The following PTPRT variants were observed in gnomAD, a reference collection of about 807,000 sequenced individuals.
The protein encoded by PTPRT is protein tyrosine phosphatase receptor type T, also known as receptor-type tyrosine-protein phosphatase T.
In PTPRT, 56 loss-of-function variants were observed where a neutral mutation model predicts 176.8. That is an observed-to-expected ratio of 0.32 (90% CI 0.26 to 0.40). PTPRT has a LOEUF of 0.40. Among genes scored for constraint, PTPRT ranks in the 10% least tolerant of loss-of-function variants. The pLI is 1.00. For missense variants in PTPRT, 1,540 were observed against 1,908.2 expected (o/e 0.81, Z 3.60); for synonymous variants, 783 against 739.0 (o/e 1.06, Z -0.96).
At chr20:42,794,939 C>A (rs2077431829) in intron 2 of PTPRT, among the ~76,000 whole-genome samples, 1 of 152,110 alleles carries the variant, frequency 6.6e-6, no homozygotes, top group Non-Finnish European at 1.5e-5. Flanking sequence ...TGACCACACC[C>A]TCCAGAAAGG....
At chr20:42,047,186 A>G in the PTPRT span, among the ~76,000 whole-genome samples, 1 of 152,192 alleles carries the variant, frequency 6.6e-6, no homozygotes, top group Non-Finnish European at 1.5e-5. Flanking sequence ...GTGGGACAAG[A>G]TCTTTGGTAC....
chr20:42,911,013 G>A (rs1427164912), intron 1 of PTPRT, among the ~76,000 whole-genome samples: 1 of 152,092 alleles, frequency 6.6e-6, no homozygotes, highest in East Asian at 1.9e-4. Flanking sequence ...GTGAGAACTT[G>A]CTCACTATCA....
chr20:42,897,122 G>A (rs139776174), intron 1 of PTPRT, among the ~76,000 whole-genome samples: 179 of 152,234 alleles, frequency 1.2e-3, no homozygotes, highest in African/African-American at 4.2e-3. Flanking sequence ...AATCCAATTA[G>A]TAGAATGTTT....
At chr20:43,033,095 T>C (rs1986215303) in intron 1 of PTPRT, among the ~76,000 whole-genome samples, 1 of 152,202 alleles carries the variant, frequency 6.6e-6, no homozygotes, top group African/African-American at 2.4e-5. Flanking sequence ...AATGTCACAA[T>C]AGAGGACTTT....
At position 42,458,531 on chromosome 20, in the gene PTPRT, T is replaced by C. The variant is rs533161604; in HGVS notation, c.1451-10202A>G. On this transcript the variant is annotated intron_variant, in intron 8 of 30. Coordinates refer to ENST00000373187, the MANE Select transcript of PTPRT (RefSeq NM_007050.6). ...GCTTACCTAGGTGTCTGGCACAAAG[T>C]AAATACTATGTTTGTCTGATCCTCC... Among the ~76,000 whole-genome samples the C allele has an allele frequency of 5.3e-5, 8 of 152,316 alleles. No individual in the cohort carries two copies. The South Asian group carries it at 1.7e-3, about 32-fold the overall frequency.
At position 42,861,552 on chromosome 20, in the gene PTPRT, T is replaced by TA. The variant is rs529581559; in HGVS notation, c.214+24254dup. On this transcript the variant is annotated intron_variant, in intron 2 of 30. Coordinates refer to ENST00000373187, the MANE Select transcript of PTPRT (RefSeq NM_007050.6). ...GCTAGACACTGAGATCAGAACACAT[T>TA]AAAAAAAACTAAATAAAACAAAACA... is the stretch of plus-strand genomic sequence containing the variant. Among the ~76,000 whole-genome samples the TA allele has an allele frequency of 3.9e-4, 59 of 151,900 alleles. 1 individual carries two copies. The highest frequency in any genetic ancestry group is 1.1e-3 in the African/African-American group (46 of 41,394).
At chr20:42,218,373 T>C (rs1176724421) in intron 15 of PTPRT, among the ~76,000 whole-genome samples, 1 of 152,236 alleles carries the variant, frequency 6.6e-6, no homozygotes, top group Non-Finnish European at 1.5e-5. Context: ...TCCTTTCTTC[T>C]TTGATATCCA....
chr20:43,090,405 C>T (rs1321531868), intron 1 of PTPRT, among the ~76,000 whole-genome samples: 216 of 151,966 alleles, frequency 1.4e-3, no homozygotes, highest in Non-Finnish European at 2.2e-3. Flanking sequence ...GTAGTTGGGA[C>T]TACAGGCGCC....
Position 42,666,269 on chromosome 20 carries a change from T to C in PTPRT, c.1153+11597A>G, listed in dbSNP as rs930148753. 2.6e-5 allele frequency among the ~76,000 whole-genome samples: 4 copies of C among 152,194 alleles called. No individual in the cohort carries two copies. In the East Asian group the frequency reaches 7.7e-4, roughly 29 times the overall value. ...ACACGTGGTTGGCACTCTATATGTA[T>C]GAGTTTCTTTTAAATTTATTTGGGA... On this transcript the variant is annotated intron_variant, in intron 7 of 30. Transcript: ENST00000373187.
At chr20:42,680,097 A>G (rs2075577603) in intron 6 of PTPRT, among the ~76,000 whole-genome samples, 1 of 152,230 alleles carries the variant, frequency 6.6e-6, no homozygotes, top group South Asian at 2.1e-4. Flanking sequence ...GAAGGCAGGT[A>G]TACATTTTAG....
chr20:42,111,702 A>G (rs1299982203), intron 22 of PTPRT, among the ~76,000 whole-genome samples: 1 of 152,220 alleles, frequency 6.6e-6, no homozygotes, highest in Non-Finnish European at 1.5e-5. Flanking sequence ...CATTTGATGG[A>G]TCAGGAAACT....
At chr20:42,256,200 CT>C (rs1568713759) in intron 13 of PTPRT, among the ~76,000 whole-genome samples, 1 of 152,162 alleles carries the variant, frequency 6.6e-6, no homozygotes, top group Non-Finnish European at 1.5e-5. Context: ...TCTGGCTCTT[CT>C]CAAGTCAGGT....
rs552335116 is a variant in PTPRT at position 43,059,574 on chromosome 20, C to T, written c.88+130072G>A. Among the ~76,000 whole-genome samples, 6 of 152,178 alleles carry T rather than the reference C, an allele frequency of 3.9e-5. No individual in the cohort carries two copies. In the South Asian group the frequency reaches 8.3e-4, roughly 21 times the overall value. ...CCTCAGCAGAATGGCCTTTACCATC[C>T]GTATTTCTACCAACATTCTACTCAG... On this transcript the variant is annotated intron_variant, in intron 1 of 30. Coordinates refer to ENST00000373187, the MANE Select transcript of PTPRT (RefSeq NM_007050.6).
intron 1 of PTPRT, among the ~76,000 whole-genome samples, chr20:43,012,611 G>C (rs1044924261): frequency 6.6e-6 from 1 of 152,202 alleles, no homozygotes; most frequent in Non-Finnish European, 1.5e-5. Flanking sequence ...AAAATAATTA[G>C]TGGGTGCAAT....
rs1373155040 is a variant in PTPRT at position 42,316,057 on chromosome 20, G to T, written c.1866-61C>A. ...ACTTTCTGGAAGAATGAGCTTGTTA[G>T]CTCTAATGGTGTCAACCCAACTTCT... On this transcript the variant is annotated intron_variant, in intron 11 of 30. Transcript: ENST00000373187. The T allele has an allele frequency of 5.7e-6, 9 of 1,568,472 alleles. No homozygotes were observed. In the African/African-American group the frequency reaches 9.5e-5, roughly 16 times the overall value.
intron 1 of PTPRT, among the ~76,000 whole-genome samples, chr20:43,164,950 T>A (rs999145495): frequency 6.6e-6 from 1 of 152,140 alleles, no homozygotes; most frequent in Non-Finnish European, 1.5e-5. Context: ...TAGGCTAAAC[T>A]CAGTCAAGTA....
chr20:42,818,626 T>C (rs1333598602), intron 2 of PTPRT, among the ~76,000 whole-genome samples: 3 of 152,142 alleles, frequency 2.0e-5, no homozygotes, highest in Non-Finnish European at 4.4e-5. Flanking sequence ...AGAACCTTGA[T>C]AAAAGGTTAC....
At chr20:42,474,604 C>T (rs1207836280) in intron 7 of PTPRT, among the ~76,000 whole-genome samples, 1 of 152,196 alleles carries the variant, frequency 6.6e-6, no homozygotes, top group Non-Finnish European at 1.5e-5. Context: ...ATTGAACAAG[C>T]TGTTGCTGAG....
intron 1 of PTPRT, among the ~76,000 whole-genome samples, chr20:43,060,802 A>AATGTGC: frequency 6.6e-6 from 1 of 152,158 alleles, no homozygotes; most frequent in East Asian, 1.9e-4. Flanking sequence ...CAATCAATAA[A>AATGTGC]ATGTGCCTAG....
Sources: gnomAD v4.1 joint callset for allele counts (sites outside exome capture counted in the v4.1 genomes callset) on GRCh38, gnomAD v4.1.1 for gene constraint, MANE v1.5 for transcripts, NCBI Gene and HGNC (gene_info 2026-07-23, HGNC 2026-07-21) for gene names.